NKAIN2: variants seen among roughly 807,000 people sequenced by gnomAD.
NKAIN2 encodes sodium/potassium-transporting ATPase subunit beta-1-interacting protein 2.
A neutral mutation model predicts 32.6 loss-of-function variants in NKAIN2; 14 were observed. The ratio of observed to expected loss-of-function variants is 0.43; its 90% CI spans 0.28 to 0.67. The LOEUF is 0.67. NKAIN2 is among the 30% of genes least tolerant of loss of function. NKAIN2 has a pLI of 0.17. For missense variants in NKAIN2, 198 were observed against 258.3 expected, an observed-to-expected ratio of 0.77 and a Z score of 1.60; for synonymous variants, 80 against 87.2, an observed-to-expected ratio of 0.92 and a Z score of 0.46.
intron 4 of NKAIN2, among the ~76,000 whole-genome samples, chr6:124,782,242 G>A (rs1444857491): frequency 6.6e-6 from 1 of 151,942 alleles, no homozygotes; most frequent in African/African-American, 2.4e-5. Context: ...TTCTTTTTTA[G>A]TGCAATGAGA....
chr6:124,678,737 G>A (rs1056366940), intron 4 of NKAIN2, among the ~76,000 whole-genome samples: 1 of 152,062 alleles, frequency 6.6e-6, no homozygotes, highest in Non-Finnish European at 1.5e-5. Flanking sequence ...TTTTGATTGT[G>A]CCATGTTTCC....
chr6:124,482,126 A>G (rs145994954), intron 3 of NKAIN2, among the ~76,000 whole-genome samples: 332 of 152,250 alleles, frequency 2.2e-3, no homozygotes, highest in Middle Eastern at 0.01. Context: ...TCCCAAAGCA[A>G]ATTAAACTGG....
Position 124,603,050 on chromosome 6 carries a change from G to A in NKAIN2, c.274-55136G>A, listed in dbSNP as rs145022892. On this transcript the variant is annotated intron_variant, in intron 3 of 6. Transcript: ENST00000368417. ...ATGCTTTGCAACCAGAATTTATAGA[G>A]CATTTATAATATGTGCTACATTATT... Among the ~76,000 whole-genome samples, 37 of 151,932 alleles carry A rather than the reference G, an allele frequency of 2.4e-4. 1 individual carries two copies. The East Asian group carries it at 7.0e-3, about 29-fold the overall frequency.
intron 1 of NKAIN2, among the ~76,000 whole-genome samples, chr6:124,100,260 A>G (rs116100491): frequency 0.011 from 1,661 of 152,334 alleles, 33 homozygotes; most frequent in African/African-American, 0.036. Context: ...TAATGAAGTT[A>G]GAAAGTAATT....
At chr6:124,797,547 T>C (rs1201933951) in intron 5 of NKAIN2, among the ~76,000 whole-genome samples, 3 of 152,168 alleles carry the variant, frequency 2.0e-5, no homozygotes, top group Non-Finnish European at 4.4e-5. Context: ...TTCCTCAAAA[T>C]CAACTGGCCT....
intron 3 of NKAIN2, among the ~76,000 whole-genome samples, chr6:124,639,858 G>A: frequency 6.6e-6 from 1 of 151,906 alleles, no homozygotes; most frequent in East Asian, 1.9e-4. Context: ...GGGAGAGGTT[G>A]GTTAATGAAT....
rs565316366 is a variant in NKAIN2 at position 123,855,506 on chromosome 6, A to G, written c.54+51252A>G. Among the ~76,000 whole-genome samples, 226 of 152,316 alleles carry G rather than the reference A, an allele frequency of 1.5e-3. 1 individual carries two copies. Among genetic ancestry groups the G allele is most frequent in the Non-Finnish European group, 2.5e-3 (170 of 68,024 alleles). ...GAAGTGATGAGTGTAAAGAGATATT[A>G]TCTAGTACTGATTCTTTGTGGTTGG... On this transcript the variant is annotated intron_variant, in intron 1 of 6. Transcript: ENST00000368417.
chr6:124,123,744 T>C (rs1159023940), intron 1 of NKAIN2, among the ~76,000 whole-genome samples: 1 of 152,188 alleles, frequency 6.6e-6, no homozygotes, highest in Non-Finnish European at 1.5e-5. Flanking sequence ...AATCATATAC[T>C]ACCAAATGGC....
chr6:123,856,324 A>T (rs1775553250), intron 1 of NKAIN2, among the ~76,000 whole-genome samples: 1 of 152,210 alleles, frequency 6.6e-6, no homozygotes, highest in African/African-American at 2.4e-5. Context: ...TATAGAATAA[A>T]TTTTTATATT....
intron 4 of NKAIN2, among the ~76,000 whole-genome samples, chr6:124,727,220 C>T (rs1228120803): frequency 1.3e-5 from 2 of 151,436 alleles, no homozygotes; most frequent in Non-Finnish European, 2.9e-5. Flanking sequence ...CACAAAGATA[C>T]TCCTCGAGAA....
intron 1 of NKAIN2, among the ~76,000 whole-genome samples, chr6:123,871,437 T>G (rs779655270): frequency 6.6e-6 from 1 of 152,166 alleles, no homozygotes; most frequent in African/African-American, 2.4e-5. Flanking sequence ...ACCTGACTGC[T>G]CCCCAGGTCT....
At chr6:124,138,190 G>C (rs970277258) in intron 1 of NKAIN2, among the ~76,000 whole-genome samples, 3 of 151,996 alleles carry the variant, frequency 2.0e-5, no homozygotes, top group Non-Finnish European at 4.4e-5. Flanking sequence ...TGAATAGACA[G>C]TTCTCAAAAG....
intron 3 of NKAIN2, among the ~76,000 whole-genome samples, chr6:124,541,758 T>A (rs560570216): frequency 2.0e-5 from 3 of 152,306 alleles, no homozygotes; most frequent in Admixed American, 2.0e-4. Flanking sequence ...ATTTTCCTAA[T>A]GCTGGCATCC....
chr6:124,493,705 A>ACC (rs1777953848), intron 3 of NKAIN2, among the ~76,000 whole-genome samples: 1 of 54,804 alleles, frequency 1.8e-5, no homozygotes, highest in African/African-American at 8.6e-5. Flanking sequence ...TCTGCACACC[A>ACC]ACCCCCCCCT....
intron 2 of NKAIN2, among the ~76,000 whole-genome samples, chr6:124,339,418 G>A (rs570960320): frequency 1.3e-5 from 2 of 152,302 alleles, no homozygotes; most frequent in East Asian, 3.9e-4. Context: ...GAAATCTGTA[G>A]CAATGAGCAG....
intron 1 of NKAIN2, among the ~76,000 whole-genome samples, chr6:124,218,238 A>G (rs1791593727): frequency 6.6e-6 from 1 of 152,184 alleles, no homozygotes; most frequent in Non-Finnish European, 1.5e-5. Flanking sequence ...GGCTTAAAAG[A>G]TACATGGCAT....
At chr6:123,913,857 C>A (rs17086322) in intron 1 of NKAIN2, among the ~76,000 whole-genome samples, 1 of 152,068 alleles carries the variant, frequency 6.6e-6, no homozygotes, top group Non-Finnish European at 1.5e-5. Flanking sequence ...GATTAATCCT[C>A]AGGCAATATA....
intron 1 of NKAIN2, among the ~76,000 whole-genome samples, chr6:124,064,053 C>T (rs1783042435): frequency 6.6e-6 from 1 of 151,782 alleles, no homozygotes. Flanking sequence ...CGGGTTCACA[C>T]CATTCTCCTG....
chr6:124,819,510 C>A (rs996239130), intron 6 of NKAIN2, among the ~76,000 whole-genome samples: 1 of 152,164 alleles, frequency 6.6e-6, no homozygotes, highest in Admixed American at 6.5e-5. Context: ...AGCATTGCTT[C>A]TGTAAACACT....
Sources: gnomAD v4.1 joint callset for allele counts (sites outside exome capture counted in the v4.1 genomes callset) on GRCh38, gnomAD v4.1.1 for gene constraint, MANE v1.5 for transcripts, NCBI Gene and HGNC (gene_info 2026-07-23, HGNC 2026-07-21) for gene names.